Variants in KMT2E observed in about 807,000 individuals in gnomAD.
The protein encoded by KMT2E is lysine methyltransferase 2E (inactive).
Under a neutral mutation model 184.6 loss-of-function variants are expected in KMT2E, and 30 were observed. The ratio of observed to expected loss-of-function variants is 0.16; its 90% CI spans 0.12 to 0.22. The LOEUF (loss-of-function observed/expected upper bound fraction) is 0.22. Among genes scored for constraint, KMT2E ranks in the 10% least tolerant of loss-of-function variants. The pLI, the probability that KMT2E is intolerant of heterozygous loss-of-function variation, is 1.00. For missense variants in KMT2E, 2,023 were observed against 2,237.4 expected (o/e 0.90, Z 1.93); for synonymous variants, 815 against 776.5 (o/e 1.05, Z -0.82).
intron 1 of KMT2E, among the ~76,000 whole-genome samples, chr7:105,024,790 ATTTCT>A (rs1795105449): frequency 6.6e-6 from 1 of 152,274 alleles, no homozygotes; most frequent in African/African-American, 2.4e-5. Flanking sequence ...CATGCTGGAC[ATTTCT>A]TTTTAAAAGG....
intron 1 of KMT2E, among the ~76,000 whole-genome samples, chr7:105,017,955 C>T (rs1352319554): frequency 3.3e-5 from 5 of 152,136 alleles, no homozygotes; most frequent in African/African-American, 1.2e-4. Context: ...AGAGAGAAAT[C>T]ATTGCCATAT....
intron 3 of KMT2E, among the ~76,000 whole-genome samples, chr7:105,052,527 A>T (rs866844567): frequency 6.6e-6 from 1 of 151,954 alleles, no homozygotes; most frequent in East Asian, 1.9e-4. Flanking sequence ...CATGAATCAT[A>T]TTGCTTGAAG....
rs1455021163 is a variant in KMT2E at position 105,076,942 on chromosome 7, A to T, written c.769-21A>T. On this transcript the variant is annotated intron_variant, in intron 9 of 26. Coordinates refer to ENST00000311117, the MANE Select transcript of KMT2E (RefSeq NM_182931.3). ...TGTAAGTCCGTAAGTCCAGATACTA[A>T]AGCTCAGTTTATGATTTTAGGGTTC... is the stretch of plus-strand genomic sequence containing the variant. 7 of 1,525,224 alleles carry T rather than the reference A, an allele frequency of 4.6e-6. No homozygotes were observed. In the Admixed American group the frequency reaches 1.2e-4, roughly 26 times the overall value. 94.5% of individuals were successfully genotyped at this position (1,525,224 alleles called of 1,614,324 possible).
rs757089960 is a variant in KMT2E, at chr7:105,105,876, T to C, written c.2469T>C (p.Ala823=). ...GSCKKRWLKQ[A]LEEENSAILH... ...TTATTCAGCGATGGTTGAAACAAGCTCTGGAAGAAGAAAATTCAGCAATTT... is the reference window on the plus strand; with the variant it reads ...TTATTCAGCGATGGTTGAAACAAGCCCTGGAAGAAGAAAATTCAGCAATTT... Residue 823 remains alanine (A), a synonymous_variant, in exon 19 of 27, where the codon GCT becomes GCC. Transcript: ENST00000311117. 9 of 1,612,748 alleles carry C rather than the reference T, an allele frequency of 5.6e-6. No homozygotes were observed. In the East Asian group the frequency reaches 1.8e-4, roughly 32 times the overall value.
intron 11 of KMT2E, among the ~76,000 whole-genome samples, 155 bp from the exon 12 acceptor site, chr7:105,078,691 A>G (rs1424584809): frequency 2.7e-5 from 3 of 111,202 alleles, no homozygotes. Flanking sequence ...TTTTTTTTGT[A>G]AATACGGAGT....
rs1338762236 is a variant in KMT2E, at chr7:105,106,639, C to T, written c.2714C>T (p.Pro905Leu). 1.2e-6 allele frequency: 2 copies of T among 1,614,016 alleles called. No individual in the cohort carries two copies. Among genetic ancestry groups the T allele is most frequent in the Non-Finnish European group, 8.5e-7 (1 of 1,180,004 alleles). Residue 905 changes from proline to leucine, a missense_variant, in exon 20 of 27, where the codon CCT becomes CTT. Around this residue, in one of 8 missense-constraint regions of KMT2E, gnomAD observed 514 missense variants for 621.8 expected, o/e 0.83. Transcript: ENST00000311117. ...ACACCAACTCACACCGATATTACTCCTATGGACCCATCTTTTGCCACGCCT... is the reference window on the plus strand; with the variant it reads ...ACACCAACTCACACCGATATTACTCTTATGGACCCATCTTTTGCCACGCCT... ...YATPTHTDITPMDPSFATPPR... is the reference protein window; with the variant it reads ...YATPTHTDITLMDPSFATPPR...
rs1672411461 is a variant in KMT2E at position 105,114,459 on chromosome 7, C to G, written c.*1126C>G. Reference sequence around the variant, plus strand: ...AAGAAAAAAGGCATTATTCCTAGATCTCTCAGTGAAATGAAAATGGCCTCT... The same window carrying G: ...AAGAAAAAAGGCATTATTCCTAGATGTCTCAGTGAAATGAAAATGGCCTCT... On this transcript the variant is annotated 3_prime_UTR_variant, in exon 27 of 27. Transcript: ENST00000311117. The G allele has an allele frequency of 6.6e-6, 1 of 152,154 alleles. No homozygotes were observed. Among genetic ancestry groups the G allele is most frequent in the Non-Finnish European group, 1.5e-5 (1 of 68,022 alleles). The allele number at this position is 152,154 out of a possible 1,614,324, so 9.4% of individuals were successfully genotyped here.
chr7:105,078,236 A>G (rs1797612038), intron 11 of KMT2E, among the ~76,000 whole-genome samples: 1 of 152,230 alleles, frequency 6.6e-6, no homozygotes, highest in Admixed American at 6.5e-5. Context: ...AATCTTGTGA[A>G]TGCAGTAGTC....
chr7:105,076,211 G>C (rs1584764447), intron 9 of KMT2E, 130 bp downstream of exon 9: 1 of 630,970 alleles, frequency 1.6e-6, no homozygotes, highest in East Asian at 2.9e-5. Context: ...TCTTTACCAG[G>C]AGTGGGACCT....
intron 4 of KMT2E, among the ~76,000 whole-genome samples, chr7:105,063,113 A>G (rs1423015044): frequency 1.3e-5 from 2 of 150,392 alleles, no homozygotes; most frequent in Non-Finnish European, 2.9e-5. Flanking sequence ...GTAGGGAGGG[A>G]ATGAAATTTG....
chr7:105,100,605 G>A (rs1273396918), intron 15 of KMT2E, among the ~76,000 whole-genome samples: 1 of 152,146 alleles, frequency 6.6e-6, no homozygotes, highest in East Asian at 1.9e-4. Flanking sequence ...GATGCTCAAA[G>A]GAACACTTGG....
chr7:105,094,401 A>AG (rs1798323661), intron 15 of KMT2E, among the ~76,000 whole-genome samples: 1 of 152,198 alleles, frequency 6.6e-6, no homozygotes, highest in Non-Finnish European at 1.5e-5. Flanking sequence ...ATGGAGATAC[A>AG]GGTTGAGTAT....
Position 105,109,069 on chromosome 7 carries a change from G to C in KMT2E, c.3596G>C (p.Cys1199Ser). ...SGSLSNNGDGCASSNDNGEQV... is the reference protein window; with the variant it reads ...SGSLSNNGDGSASSNDNGEQV... Reference sequence around the variant, plus strand: ...AGCTTGAGCAACAATGGTGATGGCTGTGCCAGCAGTAATGACAATGGGGAG... The same window carrying C: ...AGCTTGAGCAACAATGGTGATGGCTCTGCCAGCAGTAATGACAATGGGGAG... Residue 1199 changes from cysteine (C) to serine (S), a missense_variant, in exon 23 of 27, where the codon TGT (cysteine) becomes TCT (serine). Transcript: ENST00000311117. 1 of 1,614,192 alleles carries C rather than the reference G, an allele frequency of 6.2e-7. No individual in the cohort carries two copies. Among genetic ancestry groups the C allele is most frequent in the Non-Finnish European group, 8.5e-7 (1 of 1,180,028 alleles).
intron 1 of KMT2E, among the ~76,000 whole-genome samples, chr7:105,031,866 T>C (rs1386806380): frequency 6.6e-6 from 1 of 151,588 alleles, no homozygotes; most frequent in Non-Finnish European, 1.5e-5. Flanking sequence ...GGTCAGGAGC[T>C]TGAGACCAGT....
intron 1 of KMT2E, among the ~76,000 whole-genome samples, chr7:105,019,429 A>G (rs1794854186): frequency 6.6e-6 from 1 of 152,238 alleles, no homozygotes; most frequent in Non-Finnish European, 1.5e-5. Flanking sequence ...GTTATTTACC[A>G]AAACTATTTA....
chr7:105,067,080 A>AG (rs1355743635), intron 6 of KMT2E, among the ~76,000 whole-genome samples: 22 of 149,146 alleles, frequency 1.5e-4, no homozygotes, highest in East Asian at 1.0e-3. Flanking sequence ...AAAAAAAAAA[A>AG]AAAAGAAAAA....
chr7:105,018,704 C>T (rs750752998), intron 1 of KMT2E, among the ~76,000 whole-genome samples: 3 of 152,038 alleles, frequency 2.0e-5, no homozygotes, highest in Non-Finnish European at 4.4e-5. Context: ...ATGTTACTGG[C>T]TTTTAGGCTG....
Position 105,073,694 on chromosome 7 carries a change from T to C in KMT2E, c.556+17T>C. 6.6e-7 allele frequency: 1 copy of C among 1,506,998 alleles called. No individual in the cohort carries two copies. The highest frequency in any genetic ancestry group is 1.1e-5 in the South Asian group (1 of 87,930). The allele number at this position is 1,506,998 out of a possible 1,614,324, so 93.4% of individuals were successfully genotyped here. Reference sequence around the variant, plus strand: ...ATATGTCAGGTAGGTAAAAAGGACCTACACTAAATTAAAATTCGTGTGATT... The same window carrying C: ...ATATGTCAGGTAGGTAAAAAGGACCCACACTAAATTAAAATTCGTGTGATT... On this transcript the variant is annotated intron_variant, in intron 7 of 26. Transcript: ENST00000311117.
intron 1 of KMT2E, among the ~76,000 whole-genome samples, chr7:105,030,695 A>T (rs893540152): frequency 6.6e-6 from 1 of 152,188 alleles, no homozygotes; most frequent in Admixed American, 6.5e-5. Flanking sequence ...GACCTACTAC[A>T]TGAGAATCTC....
Sources: allele counts gnomAD v4.1 joint callset (sites outside exome capture counted in the v4.1 genomes callset), GRCh38; gene constraint gnomAD v4.1.1; regional missense constraint gnomAD v4.1.1; transcripts MANE v1.5; gene names NCBI Gene and HGNC (gene_info 2026-07-23, HGNC 2026-07-21).